Variants in C6orf132 observed in about 807,000 individuals in gnomAD.
C6orf132 encodes the protein uncharacterized protein C6orf132.
C6orf132 carries 43 observed loss-of-function variants against 65.3 expected under a neutral mutation model. The observed-to-expected ratio is 0.66, with a 90% CI of 0.52 to 0.85. The LOEUF is 0.85. Among genes scored for constraint, C6orf132 ranks in the 40% least tolerant of loss-of-function variants. The probability of loss-of-function intolerance (pLI) is 0.00; values close to 1 mark genes in which losing one functional copy is unlikely to be tolerated. For synonymous variants in C6orf132, 631 were observed against 654.1 expected, an observed-to-expected ratio of 0.96 and a Z score of 0.54; for missense variants, 1,488 against 1,548.8, an observed-to-expected ratio of 0.96 and a Z score of 0.66.
intron 2 of C6orf132, 41 bp downstream of exon 2, chr6:42,128,631 C>G: frequency 3.4e-6 from 5 of 1,490,092 alleles, no homozygotes; most frequent in Non-Finnish European, 4.6e-6. Context: ...GTGTCCCCAG[C>G]CAGAGCAGAC....
At chr6:42,135,320 A>C (rs1170483837) in intron 1 of C6orf132, among the ~76,000 whole-genome samples, 1 of 152,170 alleles carries the variant, frequency 6.6e-6, no homozygotes, top group Non-Finnish European at 1.5e-5. Context: ...CCTGACTTGC[A>C]CTGCCTTACG....
intron 2 of C6orf132, among the ~76,000 whole-genome samples, chr6:42,113,813 C>CA (rs1310680258): frequency 2.8e-5 from 4 of 142,712 alleles, no homozygotes; most frequent in African/African-American, 7.9e-5. Flanking sequence ...AAGACTGTCT[C>CA]AAAAAAAGAA....
intron 2 of C6orf132, among the ~76,000 whole-genome samples, chr6:42,113,876 G>T (rs550882695): frequency 6.6e-6 from 1 of 152,174 alleles, no homozygotes; most frequent in South Asian, 2.1e-4. Context: ...TTCCTACTTT[G>T]CAGGGCTATT....
chr6:42,132,855 T>TAAA (rs780525046), intron 1 of C6orf132, among the ~76,000 whole-genome samples: 1 of 94,386 alleles, frequency 1.1e-5, no homozygotes, highest in Non-Finnish European at 2.1e-5. Flanking sequence ...AGACTCTGTC[T>TAAA]CAAAAAAAAA....
At chr6:42,115,794 G>T (rs575622267) in intron 2 of C6orf132, among the ~76,000 whole-genome samples, 3 of 151,926 alleles carry the variant, frequency 2.0e-5, no homozygotes, top group Non-Finnish European at 2.9e-5. Context: ...GTAACCTCTA[G>T]ACATCACCTC....
At chr6:42,127,270 T>G (rs1277914268) in intron 2 of C6orf132, among the ~76,000 whole-genome samples, 1 of 152,226 alleles carries the variant, frequency 6.6e-6, no homozygotes, top group African/African-American at 2.4e-5. Flanking sequence ...GGTGGTGGTG[T>G]TGCACTTTCT....
At chr6:42,140,685 T>C (rs958885777) in intron 1 of C6orf132, among the ~76,000 whole-genome samples, 3 of 152,252 alleles carry the variant, frequency 2.0e-5, no homozygotes, top group African/African-American at 7.2e-5. Context: ...GAAAGCTGTA[T>C]GATCTTGGGC....
At position 42,107,480 on chromosome 6, in the gene C6orf132, TG is replaced by T; in HGVS notation, c.431del (p.Pro144GlnfsTer81). 1 of 1,104,542 alleles carries T rather than the reference TG, an allele frequency of 9.1e-7. No individual in the cohort carries two copies. Among genetic ancestry groups the T allele is most frequent in the Non-Finnish European group, 1.1e-6 (1 of 877,924 alleles). 68.4% of individuals were successfully genotyped at this position (1,104,542 alleles called of 1,614,324 possible). Reference sequence around the variant, plus strand: ...CCTGAGGGGGCCCTGGGGCTGGGCCTGGGGGAGGTGGGGGGATGAGTAGATC... The same window carrying T: ...CCTGAGGGGGCCCTGGGGCTGGGCCTGGGGAGGTGGGGGGATGAGTAGATC... The part of the protein sequence containing the change: ...GQDLLIPPPP[P>X]GPAPGPPQDI... On this transcript the variant is annotated frameshift_variant, in exon 4 of 5. Transcript: ENST00000341865. LOFTEE classifies it high-confidence loss of function.
In C6orf132 at chr6:42,103,854, A is replaced by G; in HGVS notation, c.3474T>C (p.Tyr1158=). Residue 1158 remains tyrosine, a synonymous_variant, in exon 5 of 5, where the codon TAT becomes TAC. Coordinates refer to ENST00000341865, the MANE Select transcript of C6orf132 (RefSeq NM_001164446.3). ...CGGTGAACGTGTTGATGGGGCTTCC[A>G]TAGCGGGTGGTGGTGTAGGGAGACC... ...AGRSPYTTTR[Y]GSPINTFTVR... 1 of 1,486,936 alleles carries G rather than the reference A, an allele frequency of 6.7e-7. No individual in the cohort carries two copies. The highest frequency in any genetic ancestry group is 8.9e-7 in the Non-Finnish European group (1 of 1,120,634). The allele number at this position is 1,486,936 out of a possible 1,614,324, so 92.1% of individuals were successfully genotyped here. A position where few individuals can be genotyped will look rare whatever the true frequency, so the allele number is the denominator to read the frequency against.
chr6:42,137,548 G>A (rs1199139150), intron 1 of C6orf132, among the ~76,000 whole-genome samples: 1 of 152,124 alleles, frequency 6.6e-6, no homozygotes, highest in Non-Finnish European at 1.5e-5. Context: ...ACCAGAACCT[G>A]CAGCCACACC....
At chr6:42,138,133 A>AATT (rs1429977811) in intron 1 of C6orf132, among the ~76,000 whole-genome samples, 1 of 152,132 alleles carries the variant, frequency 6.6e-6, no homozygotes, top group African/African-American at 2.4e-5. Flanking sequence ...TAGGAATTTG[A>AATT]AATTAATTAA....
chr6:42,135,360 C>G (rs920989934), intron 1 of C6orf132, among the ~76,000 whole-genome samples: 4 of 152,182 alleles, frequency 2.6e-5, no homozygotes, highest in South Asian at 2.1e-4. Flanking sequence ...CCCTGCCTCT[C>G]CCCAACAGGC....
rs1582269534 is a variant in C6orf132 at position 42,107,296 on chromosome 6, G to A, written c.616C>T (p.Pro206Ser). The stretch of plus-strand genomic sequence containing the variant: ...AAGTCAGGAGGGGTGGGTATGGATG[G>A]GGAGGAAAGAGTGTGTGGTGGGGAT... ...ALSPPHTLSS[P>S]SIPTPPDFIP... is the part of the protein sequence containing the mutation. Residue 206 changes from proline (P) to serine (S), a missense_variant, in exon 4 of 5, where the codon CCA becomes TCA. Physicochemically the swap from Pro to Ser is moderately conservative, Grantham distance 74. Transcript: ENST00000341865. The A allele has an allele frequency of 7.3e-7, 1 of 1,371,700 alleles. No homozygotes were observed. Among genetic ancestry groups the A allele is most frequent in the Non-Finnish European group, 9.5e-7 (1 of 1,050,268 alleles). The allele number at this position is 1,371,700 out of a possible 1,614,324, so 85.0% of individuals were successfully genotyped here.
Position 42,142,475 on chromosome 6 carries a change from G to A in C6orf132, c.-31C>T, listed in dbSNP as rs1367309323. The A allele has an allele frequency of 1.9e-6, 3 of 1,545,850 alleles. No homozygotes were observed. Among genetic ancestry groups the A allele is most frequent in the African/African-American group, 2.7e-5 (2 of 72,860 alleles). ...CGCAGCCCGCGCGGGCGCCAGGGAAGGACCTTCCCTCCCTCGCCCTGCCCT... is the reference window on the plus strand; with the variant it reads ...CGCAGCCCGCGCGGGCGCCAGGGAAAGACCTTCCCTCCCTCGCCCTGCCCT... On this transcript the variant is annotated 5_prime_UTR_variant, in exon 1 of 5. Transcript: ENST00000341865.
chr6:42,142,212 C>G (rs1188015345), intron 1 of C6orf132, 88 bp downstream of exon 1: 12 of 1,414,472 alleles, frequency 8.5e-6, no homozygotes, highest in African/African-American at 1.4e-5. Flanking sequence ...GTGTCCCTCC[C>G]CTCCGCGCCT....
In C6orf132 at chr6:42,104,999, CGAAGGAGAAGGTGG is replaced by C; in HGVS notation, c.2899_2912del (p.Pro967GlufsTer24). 1 of 1,523,694 alleles carries C rather than the reference CGAAGGAGAAGGTGG, an allele frequency of 6.6e-7. No homozygotes were observed. The highest frequency in any genetic ancestry group is 8.8e-7 in the Non-Finnish European group (1 of 1,141,488). The allele number at this position is 1,523,694 out of a possible 1,614,324, so 94.4% of individuals were successfully genotyped here. A position where few individuals can be genotyped will look rare whatever the true frequency, so the allele number is the denominator to read the frequency against. Reference sequence around the variant, plus strand: ...CCTCCTCCTCCTCCTCCCTCTTGTTCGAAGGAGAAGGTGGGGAGGAGAAGGACTTGGGCAGCGGG... The same window carrying C: ...CCTCCTCCTCCTCCTCCCTCTTGTTCGGAGGAGAAGGACTTGGGCAGCGGG... On this transcript the variant is annotated frameshift_variant, in exon 4 of 5. Transcript: ENST00000341865. LOFTEE classifies it high-confidence loss of function. The surrounding 1 kb of genome is among the most constrained non-coding windows in gnomAD (Gnocchi z 4.1).
chr6:42,113,593 T>C (rs1766523321), intron 2 of C6orf132, among the ~76,000 whole-genome samples: 1 of 152,152 alleles, frequency 6.6e-6, no homozygotes, highest in South Asian at 2.1e-4. Flanking sequence ...GGCAGGAGGA[T>C]CACCTGAAGT....
In C6orf132 at chr6:42,120,732, C is replaced by T. The variant is rs369535049; in HGVS notation, c.252+7940G>A. On this transcript the variant is annotated intron_variant, in intron 2 of 4. Coordinates refer to ENST00000341865, the MANE Select transcript of C6orf132 (RefSeq NM_001164446.3). ...CACCTCCCAGGTTCAAGCGATTCTG[C>T]GGCCTCAGACACCTGAATACTTAGG... Among the ~76,000 whole-genome samples, 31 of 152,240 alleles carry T rather than the reference C, an allele frequency of 2.0e-4. 3 individuals carry two copies. The highest frequency in any genetic ancestry group is 1.2e-3 in the South Asian group (6 of 4,824).
Position 42,105,739 on chromosome 6 carries a change from C to T in C6orf132, c.2173G>A (p.Val725Ile). Reference protein sequence around the residue: ...GQPEKPASQEVSTPSQARGEG... With the variant: ...GQPEKPASQEISTPSQARGEG... ...CCCCTTGCCTGGGAGGGAGTGGAAACTTCTTGAGATGCTGGCTTCTCTGGC... is the reference window on the plus strand; with the variant it reads ...CCCCTTGCCTGGGAGGGAGTGGAAATTTCTTGAGATGCTGGCTTCTCTGGC... Residue 725 changes from valine to isoleucine, a missense_variant, in exon 4 of 5, where the codon GTT (valine) becomes ATT (isoleucine). Physicochemically the swap from Val to Ile is conservative, Grantham distance 29 (BLOSUM62 3). Coordinates refer to ENST00000341865, the MANE Select transcript of C6orf132 (RefSeq NM_001164446.3). The T allele has an allele frequency of 1.3e-6, 2 of 1,537,300 alleles. No homozygotes were observed. The highest frequency in any genetic ancestry group is 1.7e-6 in the Non-Finnish European group (2 of 1,146,916).
Sources: allele counts gnomAD v4.1 joint callset (sites outside exome capture counted in the v4.1 genomes callset), GRCh38; gene constraint gnomAD v4.1.1; non-coding constraint Gnocchi (gnomAD v3.1); transcripts MANE v1.5; gene names NCBI Gene and HGNC (gene_info 2026-07-23, HGNC 2026-07-21).